Variants in ZNF185 observed in about 807,000 individuals in gnomAD.
ZNF185 encodes the protein zinc finger protein 185 with LIM domain.
Under a neutral mutation model 58.6 loss-of-function variants are expected in ZNF185, and 56 were observed. That is an observed-to-expected ratio of 0.95 (90% CI 0.77 to 1.19). The LOEUF (loss-of-function observed/expected upper bound fraction) is 1.19. Ranked by LOEUF, ZNF185 falls within the 50% of genes most tolerant of loss-of-function variation. The pLI, the probability that ZNF185 is intolerant of heterozygous loss-of-function variation, is 0.00. For synonymous variants in ZNF185, 230 were observed against 215.9 expected (o/e 1.07, Z -0.57); for missense variants, 627 against 573.5 (o/e 1.09, Z -0.95).
intron 15 of ZNF185, among the ~76,000 whole-genome samples, chrX:152,940,073 G>T (rs2047001075): frequency 9.0e-6 from 1 of 111,654 alleles, no homozygotes; most frequent in South Asian, 3.7e-4. Flanking sequence ...GTGAGCCACT[G>T]TGCCTGGCCA....
At chrX:152,961,506 C>T (rs782226934) in intron 17 of ZNF185, among the ~76,000 whole-genome samples, 3 of 111,429 alleles carry the variant, frequency 2.7e-5, no homozygotes, top group African/African-American at 9.8e-5. Flanking sequence ...TGAGAGCTCC[C>T]TTTGTTCCCC....
At chrX:152,916,431 C>T (rs1938496027) in intron 3 of ZNF185, among the ~76,000 whole-genome samples, 1 of 111,870 alleles carries the variant, frequency 8.9e-6, no homozygotes, top group African/African-American at 3.3e-5. Flanking sequence ...CTTGGCTGCC[C>T]CCTGAGTTAT....
At position 152,929,661 on chromosome X, in the gene ZNF185, C is replaced by T. The variant is rs782786193; in HGVS notation, c.917+1000C>T. 4.4e-5 allele frequency among the ~76,000 whole-genome samples: 5 copies of T among 112,541 alleles called. No homozygotes were observed. The South Asian group carries it at 1.5e-3, about 33-fold the overall frequency. On this transcript the variant is annotated intron_variant, in intron 12 of 22. Coordinates refer to ENST00000449285, the Ensembl canonical transcript of ZNF185. ...TCCATCCCTATTGCTCTGCCCCTGG[C>T]CCAGGCCTCCACTGCTACTCACCCA...
intron 9 of ZNF185, among the ~76,000 whole-genome samples, chrX:152,921,520 G>C (rs1323875653): frequency 1.0e-5 from 1 of 96,050 alleles, no homozygotes; most frequent in Non-Finnish European, 2.1e-5. Flanking sequence ...GGAAGTGACA[G>C]AGAACGGGGG....
chrX:152,898,922 A>T, the ZNF185 span, among the ~76,000 whole-genome samples: 1 of 112,566 alleles, frequency 8.9e-6, no homozygotes, highest in Admixed American at 9.3e-5. Context: ...CCGAAAGCTC[A>T]GGTGCTCCTG....
chrX:152,962,709 C>T (rs1367342654), intron 17 of ZNF185, among the ~76,000 whole-genome samples: 7 of 112,224 alleles, frequency 6.2e-5, no homozygotes, highest in African/African-American at 2.3e-4. Context: ...GGAGGGCAGG[C>T]CCTCAGGAAG....
intron 19 of ZNF185, among the ~76,000 whole-genome samples, chrX:152,966,496 A>T (rs782714914): frequency 9.0e-6 from 1 of 111,131 alleles, no homozygotes; most frequent in South Asian, 3.9e-4. Flanking sequence ...GTGCTGTGGA[A>T]TGATGAGCAT....
intron 16 of ZNF185, among the ~76,000 whole-genome samples, chrX:152,956,302 C>G (rs1420248326): frequency 8.9e-6 from 1 of 112,150 alleles, no homozygotes; most frequent in Non-Finnish European, 1.9e-5. Flanking sequence ...CTACTCACTT[C>G]ACTAAGTGAT....
Position 152,959,865 on chromosome X carries a change from C to G in ZNF185, c.1576C>G (p.Gln526Glu), listed in dbSNP as rs370233647. 7 of 1,211,119 alleles carry G rather than the reference C, an allele frequency of 5.8e-6. No homozygotes were observed. Among genetic ancestry groups the G allele is most frequent in the Non-Finnish European group, 7.8e-6 (7 of 895,140 alleles). ...GCAGAACAGCCCCAGCGGATCTGAG[C>G]AATTCGTCAGACGAGAGAGCTGCAC... Residue 526 changes from glutamine (Q) to glutamate (E), a missense_variant, in exon 17 of 23, where the codon CAA becomes GAA. By Grantham distance (29) the Gln-to-Glu change is conservative. Coordinates refer to ENST00000449285, the Ensembl canonical transcript of ZNF185.
chrX:152,959,003 T>A (rs1373955915), intron 16 of ZNF185, among the ~76,000 whole-genome samples: 2 of 111,297 alleles, frequency 1.8e-5, no homozygotes, highest in African/African-American at 6.5e-5. Flanking sequence ...ACAAAGAAAA[T>A]GGTTGTTTTG....
At position 152,926,678 on chromosome X, in the gene ZNF185, G is replaced by A. The variant is rs374893829; in HGVS notation, c.831-1897G>A. On this transcript the variant is annotated intron_variant, in intron 11 of 22. Coordinates refer to ENST00000449285, the Ensembl canonical transcript of ZNF185. ...GTGGTCCTGGACTTCAGCTTGGACT[G>A]GAGCTGTCTGTGGTTGAGAGTCTGG... Among the ~76,000 whole-genome samples, 4 of 112,184 alleles carry A rather than the reference G, an allele frequency of 3.6e-5. No homozygotes were observed. The East Asian group carries it at 1.1e-3, about 31-fold the overall frequency.
chrX:152,931,891 G>A, intron 13 of ZNF185, 115 bp downstream of exon 14: 1 of 606,646 alleles, frequency 1.6e-6, no homozygotes, highest in Non-Finnish European at 2.5e-6. Flanking sequence ...CTGGGGCCAG[G>A]AAGGTCCTGT....
intron 15 of ZNF185, among the ~76,000 whole-genome samples, chrX:152,943,320 T>C (rs1343733010): frequency 1.8e-5 from 2 of 112,236 alleles, no homozygotes; most frequent in Non-Finnish European, 3.8e-5. Flanking sequence ...TTTAAAAGAA[T>C]GGAAGTGTGT....
chrX:152,920,672 C>T, intron 8 of ZNF185, 35 bp from the exon 10 acceptor site: 1 of 1,211,339 alleles, frequency 8.3e-7, no homozygotes. Context: ...CCCACGGGCT[C>T]TGCCCAAAGC....
intron 16 of ZNF185, among the ~76,000 whole-genome samples, chrX:152,957,576 A>G (rs2048981630): frequency 8.9e-6 from 1 of 112,135 alleles, no homozygotes; most frequent in Non-Finnish European, 1.9e-5. Context: ...AGACAAGGAG[A>G]AAGTACTGCC....
At chrX:152,969,787 G>A (rs782616884) in intron 21 of ZNF185, among the ~76,000 whole-genome samples, 1 of 112,763 alleles carries the variant, frequency 8.9e-6, no homozygotes, top group Non-Finnish European at 1.9e-5. Flanking sequence ...AAGCCCTGGG[G>A]CAGAAGCACT....
intron 19 of ZNF185, among the ~76,000 whole-genome samples, chrX:152,966,770 C>T (rs1261169859): frequency 8.9e-6 from 1 of 111,784 alleles, no homozygotes; most frequent in Admixed American, 9.4e-5. Context: ...GTCTGCACCC[C>T]CTAATTCTAC....
intron 16 of ZNF185, among the ~76,000 whole-genome samples, chrX:152,955,899 TAAA>T (rs77247991): frequency 5.6e-5 from 5 of 89,184 alleles, no homozygotes; most frequent in Non-Finnish European, 6.7e-5. Flanking sequence ...AGACTCCACC[TAAA>T]AAAAAAAAAA....
chrX:152,938,298 A>C, intron 15 of ZNF185, 135 bp downstream of exon 17: 1 of 572,155 alleles, frequency 1.7e-6, no homozygotes, highest in Non-Finnish European at 2.7e-6. Context: ...GCAAGGGCAG[A>C]AGCCCCAACC....
Sources: allele counts gnomAD v4.1 joint callset (sites outside exome capture counted in the v4.1 genomes callset), GRCh38; gene constraint gnomAD v4.1.1; transcripts MANE v1.5; gene names NCBI Gene and HGNC (gene_info 2026-07-23, HGNC 2026-07-21).